The following DMD variants were observed in gnomAD, a reference collection of about 807,000 sequenced individuals.
The protein encoded by DMD is mutant dystrophin.
DMD carries 63 observed loss-of-function variants against 330.1 expected under a neutral mutation model. That is an observed-to-expected ratio of 0.19 (90% CI 0.16 to 0.24). The LOEUF is 0.24. Ranked by LOEUF, DMD falls within the 10% of genes least tolerant of loss-of-function variation. The pLI, the probability that DMD is intolerant of heterozygous loss-of-function variation, is 1.00. For missense variants in DMD, 3,344 were observed against 2,684.1 expected, an observed-to-expected ratio of 1.25 and a Z score of -5.43; for synonymous variants, 1,223 against 959.8, an observed-to-expected ratio of 1.27 and a Z score of -5.07.
chrX:32,907,077 A>T (rs1394732371), intron 2 of DMD, among the ~76,000 whole-genome samples: 3 of 112,116 alleles, frequency 2.7e-5, no homozygotes, highest in Admixed American at 9.5e-5. Context: ...AAAACATTCT[A>T]TAGTGTAAAT....
chrX:31,946,382 C>T (rs1247296141), intron 45 of DMD, among the ~76,000 whole-genome samples: 1 of 111,717 alleles, frequency 9.0e-6, no homozygotes, highest in East Asian at 2.8e-4. Context: ...GAGCTAAGTC[C>T]AGAGAAATGG....
intron 62 of DMD, among the ~76,000 whole-genome samples, chrX:31,306,379 T>C (rs909960946): frequency 3.6e-5 from 4 of 111,564 alleles, no homozygotes; most frequent in Non-Finnish European, 7.5e-5. Context: ...TACATATTAT[T>C]TTATAACATC....
intron 44 of DMD, among the ~76,000 whole-genome samples, chrX:32,004,898 C>A (rs1271316243): frequency 9.0e-6 from 1 of 111,358 alleles, no homozygotes; most frequent in Non-Finnish European, 1.9e-5. Flanking sequence ...AAAAGCCTTG[C>A]CTAACCTAGA....
intron 26 of DMD, among the ~76,000 whole-genome samples, chrX:32,452,475 GGAAA>G (rs1405833257): frequency 2.2e-4 from 4 of 18,019 alleles, no homozygotes; most frequent in African/African-American, 2.8e-4. Flanking sequence ...GGAAAGGAAA[GGAAA>G]GGAAAGGAAA....
chrX:31,436,218 C>T (rs909665478), intron 60 of DMD, among the ~76,000 whole-genome samples: 7 of 111,516 alleles, frequency 6.3e-5, no homozygotes, highest in Admixed American at 4.7e-4. Context: ...AAATAGTTCC[C>T]GATTAAAACA....
intron 43 of DMD, among the ~76,000 whole-genome samples, chrX:32,262,495 G>A (rs2097327358): frequency 9.0e-6 from 1 of 111,375 alleles, no homozygotes. Context: ...GTAGCTTATT[G>A]TATATCATTT....
At chrX:32,360,832 G>A (rs1435578221) in intron 37 of DMD, among the ~76,000 whole-genome samples, 1 of 64,678 alleles carries the variant, frequency 1.5e-5, no homozygotes. Flanking sequence ...AATAATAAAT[G>A]AATATTCACT....
chrX:32,350,911 T>C (rs1374501385), intron 37 of DMD, among the ~76,000 whole-genome samples: 6 of 110,628 alleles, frequency 5.4e-5, no homozygotes, highest in African/African-American at 2.0e-4. Context: ...TAGAATACTT[T>C]TCATCTTCTA....
At chrX:31,625,628 A>G (rs1423382928) in intron 55 of DMD, among the ~76,000 whole-genome samples, 1 of 112,271 alleles carries the variant, frequency 8.9e-6, no homozygotes, top group East Asian at 2.8e-4. Flanking sequence ...ATCTAAACAT[A>G]AAATATTTAT....
rs1168876204 is a variant in DMD at position 32,809,588 on chromosome X, C to G, written c.554G>C (p.Ser185Thr). The change falls in exon 7 of 79, where the codon AGT (serine) becomes ACT (threonine). Residue 185 changes from serine (S) to threonine (T), a missense_variant. By Grantham distance (58) the Ser-to-Thr change is moderately conservative. Coordinates refer to ENST00000357033, the MANE Select transcript of DMD (RefSeq NM_004006.3). ...TGTGGCTGACTGCTGGCAAACCACACTATTCCAGTCAAATAGGTCTGGCCT... is the reference window on the plus strand; with the variant it reads ...TGTGGCTGACTGCTGGCAAACCACAGTATTCCAGTCAAATAGGTCTGGCCT... Reference protein sequence around the residue: ...SHRPDLFDWNSVVCQQSATQR... With the variant: ...SHRPDLFDWNTVVCQQSATQR... 2 of 1,210,615 alleles carry G rather than the reference C, an allele frequency of 1.7e-6. No homozygotes were observed. The highest frequency in any genetic ancestry group is 2.2e-6 in the Non-Finnish European group (2 of 894,922).
intron 4 of DMD, among the ~76,000 whole-genome samples, chrX:32,841,803 A>T (rs1396110063): frequency 8.9e-6 from 1 of 111,998 alleles, no homozygotes; most frequent in Non-Finnish European, 1.9e-5. Context: ...TTTCTTCAAC[A>T]GGTCATAAAA....
At chrX:31,690,956 C>T (rs756998425) in intron 52 of DMD, among the ~76,000 whole-genome samples, 3 of 108,864 alleles carry the variant, frequency 2.8e-5, no homozygotes, top group African/African-American at 6.7e-5. Flanking sequence ...CATCACACAC[C>T]GGGGCCTGTC....
chrX:31,497,168 C>T (rs1474890522), intron 56 of DMD, among the ~76,000 whole-genome samples: 1 of 112,242 alleles, frequency 8.9e-6, no homozygotes, highest in Non-Finnish European at 1.9e-5. Context: ...ATGCAGAATG[C>T]TGAGACTTTT....
At chrX:32,622,456 T>G (rs1478264457) in intron 11 of DMD, among the ~76,000 whole-genome samples, 2 of 111,784 alleles carry the variant, frequency 1.8e-5, no homozygotes, top group African/African-American at 6.5e-5. Context: ...TCATACTAAT[T>G]GAAAATAAAT....
chrX:31,653,268 C>A (rs1183498814), intron 54 of DMD, among the ~76,000 whole-genome samples: 2 of 111,151 alleles, frequency 1.8e-5, no homozygotes, highest in Non-Finnish European at 3.8e-5. Context: ...CATTAAAATA[C>A]AAAACAGTAT....
chrX:32,931,367 C>T (rs111549245), intron 2 of DMD, among the ~76,000 whole-genome samples: 136 of 110,990 alleles, frequency 1.2e-3, no homozygotes, highest in African/African-American at 4.0e-3. Flanking sequence ...TCGATAGTTG[C>T]GTTATTTAGA....
At chrX:32,587,052 T>A (rs1286088439) in intron 13 of DMD, among the ~76,000 whole-genome samples, 1 of 111,358 alleles carries the variant, frequency 9.0e-6, no homozygotes, top group South Asian at 3.8e-4. Flanking sequence ...TCTTCATAAA[T>A]AACTTCTATT....
chrX:32,263,799 T>C (rs1245732030), intron 43 of DMD, among the ~76,000 whole-genome samples: 2 of 111,478 alleles, frequency 1.8e-5, no homozygotes, highest in African/African-American at 3.3e-5. Context: ...TAAAACATGG[T>C]CCGTTAACTA....
chrX:32,950,154 G>A (rs939597524), intron 2 of DMD, among the ~76,000 whole-genome samples: 8 of 109,998 alleles, frequency 7.3e-5, no homozygotes, highest in African/African-American at 2.6e-4. Context: ...GATTAAGTAG[G>A]GTCCAAAAAC....
Sources: allele counts gnomAD v4.1 joint callset (sites outside exome capture counted in the v4.1 genomes callset), GRCh38; gene constraint gnomAD v4.1.1; transcripts MANE v1.5; gene names NCBI Gene and HGNC (gene_info 2026-07-23, HGNC 2026-07-21).